The following EYA4 variants were observed in gnomAD, a reference collection of about 807,000 sequenced individuals.
EYA4 encodes protein phosphatase EYA4.
A neutral mutation model predicts 87.9 loss-of-function variants in EYA4; 31 were observed. That is an observed-to-expected ratio of 0.35 (90% confidence interval 0.27 to 0.48). EYA4 has a LOEUF of 0.48. Among genes scored for constraint, EYA4 ranks in the 20% least tolerant of loss-of-function variants. The pLI, the probability that EYA4 is intolerant of heterozygous loss-of-function variation, is 0.99. For synonymous variants in EYA4, 263 were observed against 270.6 expected (o/e 0.97, Z 0.28); for missense variants, 678 against 761.4 (o/e 0.89, Z 1.29).
At chr6:133,482,281 T>G (rs535459885) in intron 12 of EYA4, among the ~76,000 whole-genome samples, 52 of 152,364 alleles carry the variant, frequency 3.4e-4, no homozygotes, top group Non-Finnish European at 6.0e-4. Flanking sequence ...TTATAAGAGA[T>G]AACTTCCTTT....
intron 11 of EYA4, among the ~76,000 whole-genome samples, chr6:133,479,654 T>C (rs1382832091): frequency 6.6e-6 from 1 of 152,208 alleles, no homozygotes; most frequent in African/African-American, 2.4e-5. Flanking sequence ...TTAAATTTAA[T>C]GTAGTTTACC....
chr6:133,356,670 TGAAA>T lies in EYA4; in HGVS notation c.34-25719_34-25716del, dbSNP rs543758279. ...TAAGGACCAAAGAGTATAGTGAATG[TGAAA>T]GAGTTATGAGCATAAGATTGCTAAA... is the stretch of plus-strand genomic sequence containing the variant. On this transcript the variant is annotated intron_variant, in intron 2 of 19. Transcript: ENST00000355286. Among the ~76,000 whole-genome samples the T allele has an allele frequency of 2.7e-3, 407 of 152,030 alleles. 1 individual carries two copies. The highest frequency in any genetic ancestry group is 9.4e-3 in the African/African-American group (391 of 41,458).
At chr6:133,280,542 A>T (rs189077697) in intron 2 of EYA4, among the ~76,000 whole-genome samples, 134 of 152,136 alleles carry the variant, frequency 8.8e-4, no homozygotes, top group Non-Finnish European at 1.7e-3. Context: ...GACTACAGGC[A>T]TGTGCCACGG....
intron 3 of EYA4, among the ~76,000 whole-genome samples, chr6:133,395,317 G>T (rs1185772152): frequency 6.6e-6 from 1 of 151,894 alleles, no homozygotes; most frequent in African/African-American, 2.4e-5. Context: ...TTTATAATAG[G>T]AATTGGTGAA....
chr6:133,395,769 A>G (rs1160269553), intron 3 of EYA4, among the ~76,000 whole-genome samples: 1 of 152,184 alleles, frequency 6.6e-6, no homozygotes, highest in Non-Finnish European at 1.5e-5. Flanking sequence ...TAAAAAATTA[A>G]AATAAAATAA....
chr6:133,391,592 T>C (rs527739886), intron 3 of EYA4, among the ~76,000 whole-genome samples: 1 of 152,310 alleles, frequency 6.6e-6, no homozygotes, highest in Admixed American at 6.5e-5. Flanking sequence ...CTGCTCCTGA[T>C]TTTATACATT....
At chr6:133,337,094 C>T (rs117808688) in intron 2 of EYA4, among the ~76,000 whole-genome samples, 17,583 of 152,144 alleles carry the variant, frequency 0.12, 1,274 homozygotes, top group Non-Finnish European at 0.16. Context: ...ACATCGGCAG[C>T]GTAAATGTGT....
intron 3 of EYA4, among the ~76,000 whole-genome samples, chr6:133,394,284 G>GGTT (rs1787575560): frequency 5.6e-5 from 1 of 17,874 alleles, no homozygotes; most frequent in Admixed American, 7.1e-4. Flanking sequence ...ATAAGCTTGT[G>GGTT]TTTTTTTTTT....
intron 2 of EYA4, among the ~76,000 whole-genome samples, chr6:133,367,767 A>T (rs1784963750): frequency 6.6e-6 from 1 of 152,202 alleles, no homozygotes. Context: ...TGGCTATCTT[A>T]TTAACTATTA....
At chr6:133,290,144 A>G (rs1778370101) in intron 2 of EYA4, among the ~76,000 whole-genome samples, 2 of 152,152 alleles carry the variant, frequency 1.3e-5, no homozygotes, top group African/African-American at 2.4e-5. Flanking sequence ...TAACTCATTT[A>G]ATTCTCATGA....
At chr6:133,285,913 G>A (rs1457558203) in intron 2 of EYA4, among the ~76,000 whole-genome samples, 2 of 152,228 alleles carry the variant, frequency 1.3e-5, no homozygotes, top group African/African-American at 4.8e-5. Flanking sequence ...GGTTGGGGTT[G>A]CAGATCAGGA....
At chr6:133,412,407 G>T (rs529083696) in intron 3 of EYA4, among the ~76,000 whole-genome samples, 96 of 152,232 alleles carry the variant, frequency 6.3e-4, no homozygotes, top group African/African-American at 2.2e-3. Flanking sequence ...TCAATTCCCA[G>T]AATCCTCCCT....
intron 5 of EYA4, among the ~76,000 whole-genome samples, chr6:133,449,475 T>A (rs561600477): frequency 2.4e-4 from 37 of 152,334 alleles, no homozygotes; most frequent in Non-Finnish European, 4.7e-4. Flanking sequence ...ACCTCTGATC[T>A]CAACCAGAAA....
chr6:133,473,801 T>A (rs1795486579), intron 11 of EYA4, among the ~76,000 whole-genome samples: 1 of 151,876 alleles, frequency 6.6e-6, no homozygotes, highest in African/African-American at 2.4e-5. Context: ...TAGGGTGAGG[T>A]CAGTGAAGCA....
At chr6:133,264,371 T>C (rs1468149563) in intron 1 of EYA4, among the ~76,000 whole-genome samples, 3 of 152,230 alleles carry the variant, frequency 2.0e-5, no homozygotes, top group Non-Finnish European at 4.4e-5. Flanking sequence ...CTGAATTGTT[T>C]TTAGAGACTG....
At chr6:133,497,594 T>C (rs1797745578) in intron 13 of EYA4, among the ~76,000 whole-genome samples, 2 of 152,146 alleles carry the variant, frequency 1.3e-5, no homozygotes, top group Non-Finnish European at 2.9e-5. Context: ...AACTCTAAAA[T>C]AGGAGCTTGT....
intron 3 of EYA4, among the ~76,000 whole-genome samples, chr6:133,402,639 G>C (rs1247405974): frequency 1.3e-5 from 2 of 151,956 alleles, no homozygotes; most frequent in Admixed American, 1.3e-4. Flanking sequence ...GGGAATTTTT[G>C]TCTGGAACTG....
intron 1 of EYA4, among the ~76,000 whole-genome samples, chr6:133,265,506 A>G (rs945750871): frequency 1.3e-5 from 2 of 152,158 alleles, no homozygotes; most frequent in African/African-American, 4.8e-5. Flanking sequence ...TTTTTCTCAT[A>G]TATTTGTGAA....
chr6:133,289,997 G>A (rs1485267593), intron 2 of EYA4, among the ~76,000 whole-genome samples: 1 of 152,188 alleles, frequency 6.6e-6, no homozygotes, highest in Non-Finnish European at 1.5e-5. Context: ...TGCCTAAACT[G>A]TTGTGGTTGA....
Sources: allele counts gnomAD v4.1 joint callset (sites outside exome capture counted in the v4.1 genomes callset), GRCh38; gene constraint gnomAD v4.1.1; transcripts MANE v1.5; gene names NCBI Gene and HGNC (gene_info 2026-07-23, HGNC 2026-07-21).